Variants in TGFBRAP1 observed in about 807,000 individuals in gnomAD.
TGFBRAP1 encodes the protein transforming growth factor-beta receptor-associated protein 1.
TGFBRAP1 carries 20 observed loss-of-function variants against 83.2 expected under a neutral mutation model. That is an observed-to-expected ratio of 0.24 (90% CI 0.17 to 0.35). TGFBRAP1 has a LOEUF of 0.35. Among genes scored for constraint, TGFBRAP1 ranks in the 10% least tolerant of loss-of-function variants. The pLI, the probability that TGFBRAP1 is intolerant of heterozygous loss-of-function variation, is 1.00. For missense variants in TGFBRAP1, 950 were observed against 1,099.4 expected (o/e 0.86, Z 1.92); for synonymous variants, 415 against 459.8 (o/e 0.90, Z 1.25).
chr2:105,250,630 T>A, the TGFBRAP1 span, among the ~76,000 whole-genome samples: 1 of 132,762 alleles, frequency 7.5e-6, no homozygotes, highest in Non-Finnish European at 1.6e-5. Flanking sequence ...CCTCTCCCTC[T>A]CCCTCTCCCC....
the TGFBRAP1 span, among the ~76,000 whole-genome samples, chr2:105,259,360 T>C: frequency 6.6e-6 from 1 of 152,190 alleles, no homozygotes; most frequent in South Asian, 2.1e-4. Context: ...CTATACTGCC[T>C]GCAAAGTCAC....
chr2:105,252,691 C>T, the TGFBRAP1 span, among the ~76,000 whole-genome samples: 39 of 151,990 alleles, frequency 2.6e-4, no homozygotes, highest in African/African-American at 8.9e-4. Flanking sequence ...GTTTCCTTCT[C>T]CTTAAACCAT....
chr2:105,320,418 T>C (rs893099704), intron 1 of TGFBRAP1, among the ~76,000 whole-genome samples: 2 of 152,194 alleles, frequency 1.3e-5, no homozygotes, highest in Non-Finnish European at 2.9e-5. Context: ...TTCTTTATGA[T>C]AGTCCATCAA....
In TGFBRAP1 at chr2:105,275,616, A is replaced by G. The variant is rs761436553; in HGVS notation, c.1609T>C (p.Leu537=). 4 of 1,614,214 alleles carry G rather than the reference A, an allele frequency of 2.5e-6. No individual in the cohort carries two copies. The South Asian group carries it at 4.4e-5, about 18-fold the overall frequency. The change falls in exon 8 of 12, where the codon TTA becomes CTA. Residue 537 remains leucine (L), a synonymous_variant. Coordinates refer to ENST00000393359, the MANE Select transcript of TGFBRAP1 (RefSeq NM_004257.6). ...TAGGCCCACACTAGTTCCTCGTCTA[A>G]GCAGTAGGTAAGAAAATCCACGATG... ...EYIVDFLTYC[L]DEELVWAYAD...
chr2:105,267,961 G>T, intron 11 of TGFBRAP1: 1 of 869,818 alleles, frequency 1.1e-6, no homozygotes, highest in Non-Finnish European at 1.4e-6. Context: ...GAAAAGTAAA[G>T]CACAAACAAA....
At chr2:105,250,903 G>C in the TGFBRAP1 span, among the ~76,000 whole-genome samples, 1 of 152,252 alleles carries the variant, frequency 6.6e-6, no homozygotes, top group Non-Finnish European at 1.5e-5. Context: ...TGATCTGCCA[G>C]CCTCGGCCTC....
At chr2:105,305,226 CAA>C (rs748732753) in intron 2 of TGFBRAP1, among the ~76,000 whole-genome samples, 3 of 152,084 alleles carry the variant, frequency 2.0e-5, no homozygotes, top group Non-Finnish European at 2.9e-5. Context: ...AAGTGAAAAA[CAA>C]GAGATATACA....
intron 2 of TGFBRAP1, among the ~76,000 whole-genome samples, chr2:105,305,527 C>T (rs1558647961): frequency 6.6e-6 from 1 of 152,138 alleles, no homozygotes; most frequent in Non-Finnish European, 1.5e-5. Context: ...ACTGCTAAAG[C>T]CCCTTTTGAG....
chr2:105,329,229 C>G (rs994542962), intron 1 of TGFBRAP1, among the ~76,000 whole-genome samples: 4 of 152,004 alleles, frequency 2.6e-5, no homozygotes, highest in African/African-American at 9.7e-5. Flanking sequence ...CCCTTCTCCC[C>G]GGAAAACCCA....
chr2:105,272,933 C>T lies in TGFBRAP1; in HGVS notation c.1894G>A (p.Ala632Thr). Reference sequence around the variant, plus strand: ...TTGGCCTGCGTCTCGGTGGCCTCTGCACCCTTGCCACTGGCGGAGGCCCTC... The same window carrying T: ...TTGGCCTGCGTCTCGGTGGCCTCTGTACCCTTGCCACTGGCGGAGGCCCTC... ...LQRASASGKG[A>T]EATETQAKLR... The change falls in exon 10 of 12, where the codon GCA becomes ACA. Residue 632 changes from alanine to threonine, a missense_variant. Ala to Thr is a moderately conservative substitution (Grantham distance 58). Coordinates refer to ENST00000393359, the MANE Select transcript of TGFBRAP1 (RefSeq NM_004257.6). The T allele has an allele frequency of 6.2e-7, 1 of 1,611,830 alleles. No individual in the cohort carries two copies. Among genetic ancestry groups the T allele is most frequent in the African/African-American group, 1.3e-5 (1 of 74,910 alleles).
chr2:105,252,496 C>T, the TGFBRAP1 span, among the ~76,000 whole-genome samples: 1 of 152,198 alleles, frequency 6.6e-6, no homozygotes, highest in Non-Finnish European at 1.5e-5. Context: ...CAGACCCACA[C>T]AGGTGGCTGT....
chr2:105,280,691 G>A lies in TGFBRAP1; in HGVS notation c.1154C>T (p.Ser385Phe). 6.2e-7 allele frequency: 1 copy of A among 1,614,010 alleles called. No individual in the cohort carries two copies. Among genetic ancestry groups the A allele is most frequent in the Non-Finnish European group, 8.5e-7 (1 of 1,179,918 alleles). The change falls in exon 6 of 12, where the codon TCT becomes TTT. Residue 385 changes from serine to phenylalanine, a missense_variant. By Grantham distance (155) the Ser-to-Phe change is radical (BLOSUM62 -2). Coordinates refer to ENST00000393359, the MANE Select transcript of TGFBRAP1 (RefSeq NM_004257.6). ...GGTGGGCAACAGGAAGGGGTAGAGA[G>A]AGATCAGCTCCCGGACATCAAGCTG... is the stretch of plus-strand genomic sequence containing the variant. ...SGQLDVRELI[S>F]LYPFLLPTSS...
rs949822329 is a variant in TGFBRAP1 at position 105,266,485 on chromosome 2, T to C, written c.*898A>G. The C allele has an allele frequency of 6.6e-6, 1 of 152,188 alleles. No homozygotes were observed. The highest frequency in any genetic ancestry group is 1.5e-5 in the Non-Finnish European group (1 of 68,026). 9.4% of individuals were successfully genotyped at this position (152,188 alleles called of 1,614,324 possible). Reference sequence around the variant, plus strand: ...CTCAACAAGAGAGCAACTACGAACATGATACAAATTTAAATAAAAATGTTT... The same window carrying C: ...CTCAACAAGAGAGCAACTACGAACACGATACAAATTTAAATAAAAATGTTT... On this transcript the variant is annotated 3_prime_UTR_variant, in exon 12 of 12. Transcript: ENST00000393359.
intron 1 of TGFBRAP1, among the ~76,000 whole-genome samples, chr2:105,311,991 T>G (rs1232210130): frequency 6.6e-6 from 1 of 152,178 alleles, no homozygotes; most frequent in Non-Finnish European, 1.5e-5. Flanking sequence ...ATGATATATT[T>G]ACTTAGATAA....
chr2:105,256,141 T>G, the TGFBRAP1 span, among the ~76,000 whole-genome samples: 1 of 152,236 alleles, frequency 6.6e-6, no homozygotes, highest in Non-Finnish European at 1.5e-5. Context: ...TATGCAAAGC[T>G]CAAGATGAAC....
chr2:105,259,419 T>C (rs1676739438), downstream of TGFBRAP1, among the ~76,000 whole-genome samples: 1 of 152,184 alleles, frequency 6.6e-6, no homozygotes, highest in Non-Finnish European at 1.5e-5. Flanking sequence ...TACTGTCCTG[T>C]GATCAGCTTC....
chr2:105,323,529 G>A (rs1177280380), intron 1 of TGFBRAP1, among the ~76,000 whole-genome samples: 1 of 152,170 alleles, frequency 6.6e-6, no homozygotes, highest in Non-Finnish European at 1.5e-5. Context: ...AGCAGGGAGT[G>A]AAGGCTTGAA....
In TGFBRAP1 at chr2:105,278,124, C is replaced by T. The variant is rs961494612; in HGVS notation, c.1464-453G>A. On this transcript the variant is annotated intron_variant, in intron 6 of 11. Coordinates refer to ENST00000393359, the MANE Select transcript of TGFBRAP1 (RefSeq NM_004257.6). ...TGTGTGTGTGTGTGTAGTTCAACAA[C>T]AACAAACAAACAACCAAAGGATTCT... Among the ~76,000 whole-genome samples, 6 of 143,018 alleles carry T rather than the reference C, an allele frequency of 4.2e-5. No individual in the cohort carries two copies. The Admixed American group carries it at 4.2e-4, about 10-fold the overall frequency. 93.8% of individuals were successfully genotyped at this position (143,018 alleles called of 152,430 possible).
intron 1 of TGFBRAP1, among the ~76,000 whole-genome samples, chr2:105,314,438 G>A (rs1335187446): frequency 6.6e-6 from 1 of 151,166 alleles, no homozygotes; most frequent in Non-Finnish European, 1.5e-5. Flanking sequence ...TTTTAGTAGA[G>A]ACAGGGTTTC....
Sources: allele counts gnomAD v4.1 joint callset (sites outside exome capture counted in the v4.1 genomes callset), GRCh38; gene constraint gnomAD v4.1.1; transcripts MANE v1.5; gene names NCBI Gene and HGNC (gene_info 2026-07-23, HGNC 2026-07-21).